The following EHBP1 variants were observed in gnomAD, a reference collection of about 807,000 sequenced individuals.
EHBP1 encodes the protein EH domain-binding protein 1.
In EHBP1, 55 loss-of-function variants were observed where a neutral mutation model predicts 144.0. The observed-to-expected ratio is 0.38, with a 90% CI of 0.31 to 0.48. The LOEUF (loss-of-function observed/expected upper bound fraction) is 0.48, where lower values mean the gene tolerates loss of function less well. EHBP1 is among the 20% of genes least tolerant of loss of function. The pLI, the probability that EHBP1 is intolerant of heterozygous loss-of-function variation, is 0.98. For synonymous variants in EHBP1, 469 were observed against 472.7 expected, an observed-to-expected ratio of 0.99 and a Z score of 0.10; for missense variants, 1,200 against 1,364.2, an observed-to-expected ratio of 0.88 and a Z score of 1.90.
chr2:63,038,680 G>C, intron 20 of EHBP1, 63 bp from the exon 21 acceptor site: 13 of 1,460,604 alleles, frequency 8.9e-6, no homozygotes, highest in Non-Finnish European at 1.2e-5. Context: ...TAACCTAAAG[G>C]TTCTTTTAAG....
intron 3 of EHBP1, among the ~76,000 whole-genome samples, chr2:62,754,428 A>G (rs1193225401): frequency 2.6e-5 from 4 of 152,020 alleles, no homozygotes; most frequent in African/African-American, 4.8e-5. Context: ...CAGTTAGGCT[A>G]CTCGGGGTTT....
At chr2:62,791,564 T>C (rs2043170842) in intron 5 of EHBP1, among the ~76,000 whole-genome samples, 1 of 151,986 alleles carries the variant, frequency 6.6e-6, no homozygotes, top group East Asian at 1.9e-4. Context: ...AAGATGGTTA[T>C]TATAAAGTTT....
intron 19 of EHBP1, among the ~76,000 whole-genome samples, chr2:63,023,768 T>G (rs2060857312): frequency 6.6e-6 from 1 of 152,222 alleles, no homozygotes. Context: ...CATGGCTATA[T>G]CTGTTGTGCT....
intron 10 of EHBP1, among the ~76,000 whole-genome samples, chr2:62,909,373 A>C (rs955450815): frequency 6.6e-6 from 1 of 152,126 alleles, no homozygotes; most frequent in Non-Finnish European, 1.5e-5. Flanking sequence ...AGAAGAGATC[A>C]GGTTTCGCCA....
intron 4 of EHBP1, among the ~76,000 whole-genome samples, 153 bp from the exon 5 acceptor site, chr2:62,771,186 A>C (rs2041631084): frequency 6.6e-6 from 1 of 152,216 alleles, no homozygotes; most frequent in African/African-American, 2.4e-5. Context: ...ATTATAATAA[A>C]AATAATGCAA....
intron 10 of EHBP1, among the ~76,000 whole-genome samples, chr2:62,939,218 G>C (rs957393298): frequency 1.3e-5 from 2 of 152,188 alleles, no homozygotes; most frequent in Non-Finnish European, 2.9e-5. Flanking sequence ...GTAGAGCAGG[G>C]TAAGTGGATT....
chr2:62,862,164 T>C (rs1182646715), intron 8 of EHBP1, among the ~76,000 whole-genome samples: 2 of 152,250 alleles, frequency 1.3e-5, no homozygotes, highest in Non-Finnish European at 2.9e-5. Context: ...TGATTTATTA[T>C]GATTTTATGA....
At chr2:62,752,399 C>G (rs1023635707) in intron 3 of EHBP1, among the ~76,000 whole-genome samples, 1 of 152,100 alleles carries the variant, frequency 6.6e-6, no homozygotes, top group Non-Finnish European at 1.5e-5. Context: ...TTACTTCCAA[C>G]TGTGTGGTTA....
intron 8 of EHBP1, among the ~76,000 whole-genome samples, chr2:62,863,389 TCAAGACC>T: frequency 6.6e-6 from 1 of 151,118 alleles, no homozygotes; most frequent in East Asian, 1.9e-4. Context: ...GGTCAGAAGT[TCAAGACC>T]GTGCCGCTGC....
At chr2:62,784,349 T>A (rs1187945977) in intron 5 of EHBP1, among the ~76,000 whole-genome samples, 1 of 152,190 alleles carries the variant, frequency 6.6e-6, no homozygotes, top group Non-Finnish European at 1.5e-5. Flanking sequence ...GAATGATTGT[T>A]TTTTGGATTT....
intron 5 of EHBP1, among the ~76,000 whole-genome samples, chr2:62,823,058 G>C (rs991371355): frequency 2.2e-4 from 34 of 151,982 alleles, no homozygotes; most frequent in Admixed American, 2.0e-4. Context: ...ATGTGTGGAG[G>C]GGGGATATTA....
intron 19 of EHBP1, among the ~76,000 whole-genome samples, chr2:63,020,227 G>A (rs2060669665): frequency 6.7e-6 from 1 of 150,032 alleles, no homozygotes; most frequent in Non-Finnish European, 1.5e-5. Context: ...GAGAGGCTGA[G>A]TCAGGAGAAT....
chr2:62,794,800 T>C (rs1043410531), intron 5 of EHBP1, among the ~76,000 whole-genome samples: 10 of 152,086 alleles, frequency 6.6e-5, no homozygotes, highest in African/African-American at 2.2e-4. Flanking sequence ...AGCATTTTTC[T>C]AGTTTCTAAA....
At chr2:62,704,106 G>A (rs1415898984), upstream of EHBP1, among the ~76,000 whole-genome samples, 2 of 152,236 alleles carry the variant, frequency 1.3e-5, no homozygotes, top group Admixed American at 6.5e-5. Flanking sequence ...GTAGGTTGTA[G>A]TGACTTCGTA....
intron 1 of EHBP1, among the ~76,000 whole-genome samples, chr2:62,686,483 AG>A (rs983374648): frequency 1.3e-5 from 2 of 152,210 alleles, no homozygotes; most frequent in African/African-American, 2.4e-5. Context: ...CTCTAAAGAT[AG>A]GGCACTGAAC....
At chr2:63,026,785 G>A (rs1170049620) in intron 19 of EHBP1, among the ~76,000 whole-genome samples, 4 of 152,194 alleles carry the variant, frequency 2.6e-5, no homozygotes, top group African/African-American at 9.7e-5. Context: ...TTATGGACAT[G>A]TTTGCATAGG....
At chr2:62,845,154 T>C (rs1340379829) in intron 7 of EHBP1, among the ~76,000 whole-genome samples, 1 of 151,986 alleles carries the variant, frequency 6.6e-6, no homozygotes, top group Non-Finnish European at 1.5e-5. Context: ...ACCAGTCTCA[T>C]GGGTACAGTT....
In EHBP1 at chr2:62,825,908, T is replaced by A. The variant is rs140097986; in HGVS notation, c.313-179T>A. Among the ~76,000 whole-genome samples, 1,120 of 152,234 alleles carry A rather than the reference T, an allele frequency of 7.4e-3. 13 individuals are homozygous for A. Among genetic ancestry groups the A allele is most frequent in the African/African-American group, 0.024 (1,014 of 41,548 alleles). ...TCCAATTGCATATCTGCCTTACTTATAAATGTAACAACTGTGATACAACTT... is the reference window on the plus strand; with the variant it reads ...TCCAATTGCATATCTGCCTTACTTAAAAATGTAACAACTGTGATACAACTT... On this transcript the variant is annotated intron_variant, in intron 5 of 22. Coordinates refer to ENST00000431489, the MANE Select transcript of EHBP1 (RefSeq NM_001142616.3).
chr2:62,814,071 G>A (rs1207903875), intron 5 of EHBP1, among the ~76,000 whole-genome samples: 3 of 152,198 alleles, frequency 2.0e-5, no homozygotes, highest in African/African-American at 7.2e-5. Context: ...GAATTTTGGG[G>A]GCTGTGGTGG....
Sources: gnomAD v4.1 joint callset for allele counts (sites outside exome capture counted in the v4.1 genomes callset) on GRCh38, gnomAD v4.1.1 for gene constraint, MANE v1.5 for transcripts, NCBI Gene and HGNC (gene_info 2026-07-23, HGNC 2026-07-21) for gene names.